Variants in ADAMTS6 observed in about 807,000 individuals in gnomAD.
ADAMTS6 encodes A disintegrin and metalloproteinase with thrombospondin motifs 6.
ADAMTS6 carries 23 observed loss-of-function variants against 144.3 expected under a neutral mutation model. The observed-to-expected ratio is 0.16, with a 90% CI of 0.11 to 0.23. The LOEUF is 0.23. Among genes scored for constraint, ADAMTS6 ranks in the 10% least tolerant of loss-of-function variants. The probability of loss-of-function intolerance (pLI) is 1.00; values close to 1 mark genes in which losing one functional copy is unlikely to be tolerated. For missense variants in ADAMTS6, 999 were observed against 1,379.6 expected (o/e 0.72, Z 4.37); for synonymous variants, 444 against 457.5 (o/e 0.97, Z 0.38).
At chr5:65,441,534 G>C (rs1008385711) in intron 7 of ADAMTS6, among the ~76,000 whole-genome samples, 3 of 151,996 alleles carry the variant, frequency 2.0e-5, no homozygotes, top group Non-Finnish European at 4.4e-5. Context: ...AACTCAGTAA[G>C]GGTAAAGAAT....
chr5:65,478,126 C>CA (rs202124668), intron 1 of ADAMTS6, among the ~76,000 whole-genome samples: 12,309 of 145,242 alleles, frequency 0.085, 894 homozygotes, highest in African/African-American at 0.21. Flanking sequence ...GGCTCCGTCT[C>CA]AAAAAAAAAA....
chr5:65,208,079 C>G (rs946013822), intron 20 of ADAMTS6, among the ~76,000 whole-genome samples: 9 of 152,196 alleles, frequency 5.9e-5, no homozygotes, highest in African/African-American at 2.2e-4. Flanking sequence ...CTCTGATGCT[C>G]CTCTCTACTT....
chr5:65,305,425 T>A (rs964802983), intron 9 of ADAMTS6, among the ~76,000 whole-genome samples: 1 of 151,966 alleles, frequency 6.6e-6, no homozygotes, highest in Non-Finnish European at 1.5e-5. Flanking sequence ...TAATAACAGG[T>A]ATTAAACAAG....
chr5:65,274,874 A>T (rs1009429387), intron 11 of ADAMTS6, among the ~76,000 whole-genome samples: 2 of 152,060 alleles, frequency 1.3e-5, no homozygotes, highest in Non-Finnish European at 2.9e-5. Context: ...CAGTAGAGAC[A>T]GGGTTTCACG....
chr5:65,266,075 A>T (rs574274294), intron 12 of ADAMTS6, among the ~76,000 whole-genome samples: 88 of 152,024 alleles, frequency 5.8e-4, no homozygotes, highest in Non-Finnish European at 1.1e-3. Flanking sequence ...AAAAATAGTC[A>T]GGTTTTTTCA....
At chr5:65,347,359 C>T (rs1307056078) in intron 7 of ADAMTS6, among the ~76,000 whole-genome samples, 1 of 151,950 alleles carries the variant, frequency 6.6e-6, no homozygotes, top group African/African-American at 2.4e-5. Flanking sequence ...GCTTTATACT[C>T]AATTGATCTT....
At chr5:65,443,100 T>A (rs1296513154) in intron 7 of ADAMTS6, among the ~76,000 whole-genome samples, 1 of 152,178 alleles carries the variant, frequency 6.6e-6, no homozygotes, top group Non-Finnish European at 1.5e-5. Context: ...TTGGGTTGAT[T>A]CTATGTCTCT....
At chr5:65,368,889 T>C (rs190361684) in intron 7 of ADAMTS6, among the ~76,000 whole-genome samples, 7 of 152,206 alleles carry the variant, frequency 4.6e-5, no homozygotes, top group Non-Finnish European at 1.0e-4. Flanking sequence ...ACCCCGTCTA[T>C]ACTAAAAAAT....
At chr5:65,469,357 CTCATT>C (rs1218332566) in intron 3 of ADAMTS6, among the ~76,000 whole-genome samples, 2 of 152,140 alleles carry the variant, frequency 1.3e-5, no homozygotes, top group Admixed American at 1.3e-4. Flanking sequence ...CTTGAATGTG[CTCATT>C]TCATCACCCT....
chr5:65,206,981 A>G (rs1756146802), intron 20 of ADAMTS6, among the ~76,000 whole-genome samples: 2 of 152,156 alleles, frequency 1.3e-5, no homozygotes, highest in African/African-American at 4.8e-5. Context: ...GTAAATGTAA[A>G]TGTAAAAGTA....
At chr5:65,170,485 C>G in intron 24 of ADAMTS6, 132 bp downstream of exon 24, 1 of 1,017,838 alleles carries the variant, frequency 9.8e-7, no homozygotes. Context: ...TTGCTGTCTG[C>G]ATATAAGCAG....
At chr5:65,460,594 C>T (rs1759574693) in intron 3 of ADAMTS6, among the ~76,000 whole-genome samples, 1 of 152,202 alleles carries the variant, frequency 6.6e-6, no homozygotes, top group Admixed American at 6.5e-5. Flanking sequence ...CCTCCAATCT[C>T]ACAACGACTC....
chr5:65,234,495 A>G lies in ADAMTS6; in HGVS notation c.1933+7609T>C, dbSNP rs547857048. 7.9e-5 allele frequency among the ~76,000 whole-genome samples: 12 copies of G among 152,178 alleles called. No individual in the cohort carries two copies. In the South Asian group the frequency reaches 2.3e-3, roughly 29 times the overall value. On this transcript the variant is annotated intron_variant, in intron 15 of 24. Transcript: ENST00000381055. ...AAGAGATACAAATGGCAACAGGTAC[A>G]TGAAAAGGTGTGCAAAATCACTAAT...
At chr5:65,346,386 A>G (rs1293232294) in intron 7 of ADAMTS6, among the ~76,000 whole-genome samples, 1 of 151,938 alleles carries the variant, frequency 6.6e-6, no homozygotes, top group African/African-American at 2.4e-5. Context: ...TCATATGATC[A>G]TCTCAATGGG....
At chr5:65,412,539 C>T (rs1001911775) in intron 7 of ADAMTS6, among the ~76,000 whole-genome samples, 1 of 152,084 alleles carries the variant, frequency 6.6e-6, no homozygotes, top group East Asian at 1.9e-4. Context: ...CTTACCTTGA[C>T]AGTGTATTAT....
At chr5:65,450,835 G>A (rs1185460331) in intron 7 of ADAMTS6, among the ~76,000 whole-genome samples, 1 of 152,196 alleles carries the variant, frequency 6.6e-6, no homozygotes, top group African/African-American at 2.4e-5. Flanking sequence ...TGTTGCTGGA[G>A]AGTAAAGAAT....
chr5:65,304,863 G>C (rs192697832), intron 9 of ADAMTS6, among the ~76,000 whole-genome samples: 1 of 152,104 alleles, frequency 6.6e-6, no homozygotes, highest in African/African-American at 2.4e-5. Flanking sequence ...AATTATTCCA[G>C]ATTAAATACT....
At chr5:65,229,249 G>C (rs1757954547) in intron 15 of ADAMTS6, among the ~76,000 whole-genome samples, 1 of 152,206 alleles carries the variant, frequency 6.6e-6, no homozygotes, top group Non-Finnish European at 1.5e-5. Flanking sequence ...AAGAGGTGTG[G>C]AGTAGGGACA....
rs371157904 is a variant in ADAMTS6 at position 65,371,164 on chromosome 5, T to C, written c.1074-37079A>G. On this transcript the variant is annotated intron_variant, in intron 7 of 24. Transcript: ENST00000381055. ...CCAAAAGTAGATAAAACCACAAAGA[T>C]GGGGAAAAAAACAGAGCAGAAAAAC... Among the ~76,000 whole-genome samples the C allele has an allele frequency of 2.2e-4, 34 of 151,700 alleles. No homozygotes were observed. The East Asian group carries it at 6.6e-3, about 29-fold the overall frequency.
Sources: allele counts gnomAD v4.1 joint callset (sites outside exome capture counted in the v4.1 genomes callset), GRCh38; gene constraint gnomAD v4.1.1; transcripts MANE v1.5; gene names NCBI Gene and HGNC (gene_info 2026-07-23, HGNC 2026-07-21).